Variants in DIP2C observed in about 807,000 individuals in gnomAD.
DIP2C encodes DIP2 acetate--CoA ligase C (putative), also known as disco-interacting protein 2 homolog C.
In DIP2C, 33 loss-of-function variants were observed where a neutral mutation model predicts 192.4. The ratio of observed to expected loss-of-function variants is 0.17; its 90% CI spans 0.13 to 0.23. The LOEUF is 0.23. Among genes scored for constraint, DIP2C ranks in the 10% least tolerant of loss-of-function variants. The pLI is 1.00. For synonymous variants in DIP2C, 979 were observed against 864.1 expected, an observed-to-expected ratio of 1.13 and a Z score of -2.33; for missense variants, 1,537 against 2,110.1, an observed-to-expected ratio of 0.73 and a Z score of 5.32.
chr10:424,623 C>T (rs1966452638), intron 4 of DIP2C, among the ~76,000 whole-genome samples: 1 of 152,148 alleles, frequency 6.6e-6, no homozygotes, highest in African/African-American at 2.4e-5. Context: ...CTCAGCCTCC[C>T]AAAGTGCTGA....
intron 3 of DIP2C, among the ~76,000 whole-genome samples, chr10:469,239 G>A (rs1404774752): frequency 6.6e-6 from 1 of 151,618 alleles, no homozygotes; most frequent in African/African-American, 2.4e-5. Context: ...TTCCTCTCAT[G>A]TTCCTCCATA....
chr10:517,037 A>T (rs903278694), intron 1 of DIP2C, among the ~76,000 whole-genome samples: 18 of 151,712 alleles, frequency 1.2e-4, no homozygotes, highest in African/African-American at 3.9e-4. Context: ...GGGGGTTTTT[A>T]AAAGTAGAGC....
intron 1 of DIP2C, among the ~76,000 whole-genome samples, chr10:605,018 T>C (rs1379670448): frequency 6.6e-6 from 1 of 152,138 alleles, no homozygotes; most frequent in African/African-American, 2.4e-5. Context: ...ATCAAAAGCT[T>C]CAGAAGACTA....
In DIP2C at chr10:659,218, C is replaced by G. The variant is rs542904614; in HGVS notation, c.85+30276G>C. Among the ~76,000 whole-genome samples the G allele has an allele frequency of 1.1e-3, 173 of 152,344 alleles. 3 individuals are homozygous for G. The highest frequency in any genetic ancestry group is 6.9e-4 in the Non-Finnish European group (47 of 68,032). ...AGGAGCATCCACGCATGCATACTTG[C>G]ACATGTGTGCGATGTCATGCCTAAA... On this transcript the variant is annotated intron_variant, in intron 1 of 36. Transcript: ENST00000280886.
intron 1 of DIP2C, among the ~76,000 whole-genome samples, chr10:530,653 T>TA (rs59344971): frequency 0.059 from 6,264 of 106,004 alleles, 301 homozygotes; most frequent in African/African-American, 0.12. Flanking sequence ...CCCTATCTCT[T>TA]AAAAAAAAAA....
chr10:606,076 G>A (rs190560993), intron 1 of DIP2C, among the ~76,000 whole-genome samples: 3 of 152,214 alleles, frequency 2.0e-5, no homozygotes, highest in African/African-American at 4.8e-5. Flanking sequence ...CGGAGCCTGC[G>A]CAGCGTGGAG....
At chr10:524,638 CA>C (rs1261047695) in intron 1 of DIP2C, among the ~76,000 whole-genome samples, 2 of 152,146 alleles carry the variant, frequency 1.3e-5, no homozygotes, top group African/African-American at 4.8e-5. Flanking sequence ...GCAAACAAAA[CA>C]TTCTCTAAGT....
At chr10:286,204 A>G in intron 34 of DIP2C, 69 bp downstream of exon 34, 2 of 1,462,600 alleles carry the variant, frequency 1.4e-6, no homozygotes, top group Non-Finnish European at 1.9e-6. Flanking sequence ...AGCAGTTCTG[A>G]TGGTGTCAAG....
intron 36 of DIP2C, among the ~76,000 whole-genome samples, chr10:277,881 T>C (rs1039864216): frequency 1.3e-5 from 2 of 152,198 alleles, no homozygotes; most frequent in African/African-American, 4.8e-5. Context: ...GAGTCTGTGT[T>C]CCAGTGCTGC....
intron 1 of DIP2C, among the ~76,000 whole-genome samples, chr10:559,775 C>A (rs904040486): frequency 6.6e-6 from 1 of 152,224 alleles, no homozygotes; most frequent in Non-Finnish European, 1.5e-5. Context: ...AGCCCAGCCC[C>A]GGAGCCCCAT....
intron 32 of DIP2C, among the ~76,000 whole-genome samples, chr10:288,751 T>C (rs374874521): frequency 1.3e-5 from 2 of 152,214 alleles, no homozygotes; most frequent in East Asian, 3.8e-4. Context: ...TTGAAAGAGC[T>C]GCGGGTCACC....
intron 1 of DIP2C, among the ~76,000 whole-genome samples, chr10:610,229 G>A (rs934733555): frequency 6.6e-6 from 1 of 152,170 alleles, no homozygotes; most frequent in Non-Finnish European, 1.5e-5. Flanking sequence ...AAGAAATGGT[G>A]CATGTTCTCA....
chr10:419,067 T>A lies in DIP2C; in HGVS notation c.737A>T (p.Asp246Val), dbSNP rs781335933. Residue 246 changes from aspartate (D) to valine (V), a missense_variant and splice_region_variant, in exon 6 of 37, where the codon GAT becomes GTT. Physicochemically the swap from Asp to Val is radical, Grantham distance 152 (BLOSUM62 -3). Coordinates refer to ENST00000280886, the MANE Select transcript of DIP2C (RefSeq NM_014974.3). Reference protein sequence around the residue: ...YGNAELMETGDGVPVSSRVSA... With the variant: ...YGNAELMETGVGVPVSSRVSA... ...CGCATCTCTCCTTTGGGACGTACCA[T>A]CCCCGGTCTCCATGAGCTCGGCGTT... 6.2e-7 allele frequency: 1 copy of A among 1,614,084 alleles called. No homozygotes were observed. The highest frequency in any genetic ancestry group is 8.5e-7 in the Non-Finnish European group (1 of 1,180,040).
rs765853840 is a variant in DIP2C, at chr10:366,429, A to G, written c.2132-18T>C. On this transcript the variant is annotated intron_variant, in intron 18 of 36. Coordinates refer to ENST00000280886, the MANE Select transcript of DIP2C (RefSeq NM_014974.3). Reference sequence around the variant, plus strand: ...CATGATGGCTAAAAGCAAACAGGAAAGCACATGCAGTGTGAGAGGGGGCAG... The same window carrying G: ...CATGATGGCTAAAAGCAAACAGGAAGGCACATGCAGTGTGAGAGGGGGCAG... The G allele has an allele frequency of 3.1e-6, 5 of 1,614,106 alleles. No individual in the cohort carries two copies. Among genetic ancestry groups the G allele is most frequent in the Middle Eastern group, 1.6e-4 (1 of 6,062 alleles).
chr10:629,158 G>A (rs1017253977), intron 1 of DIP2C, among the ~76,000 whole-genome samples: 3 of 152,158 alleles, frequency 2.0e-5, no homozygotes, highest in African/African-American at 4.8e-5. Context: ...GAGCACAGAC[G>A]GAAGGAACTG....
chr10:491,657 G>A (rs1844455990), intron 1 of DIP2C, among the ~76,000 whole-genome samples: 1 of 152,210 alleles, frequency 6.6e-6, no homozygotes, highest in African/African-American at 2.4e-5. Context: ...TAAAATATTG[G>A]AGATAGCACC....
chr10:551,243 C>T (rs1043990288), intron 1 of DIP2C, among the ~76,000 whole-genome samples: 9 of 152,202 alleles, frequency 5.9e-5, no homozygotes, highest in African/African-American at 1.7e-4. Flanking sequence ...ACATCGTCCA[C>T]GTACCATGCC....
chr10:518,069 G>A (rs953588790), intron 1 of DIP2C, among the ~76,000 whole-genome samples: 6 of 152,204 alleles, frequency 3.9e-5, no homozygotes, highest in African/African-American at 7.2e-5. Flanking sequence ...AGCACACCCC[G>A]ATATCACCAG....
At position 329,840 on chromosome 10, in the gene DIP2C, C is replaced by T. The variant is rs180798069; in HGVS notation, c.3585-239G>A. Among the ~76,000 whole-genome samples the T allele has an allele frequency of 3.3e-4, 50 of 152,336 alleles. 1 individual carries two copies. Among genetic ancestry groups the T allele is most frequent in the Admixed American group, 2.0e-4 (3 of 15,292 alleles). On this transcript the variant is annotated intron_variant, in intron 29 of 36. Coordinates refer to ENST00000280886, the MANE Select transcript of DIP2C (RefSeq NM_014974.3). ...GGGGCAGTTCCTACCACTTTGAACACACATTTAAGACTACTAAACGCTGTG... is the reference window on the plus strand; with the variant it reads ...GGGGCAGTTCCTACCACTTTGAACATACATTTAAGACTACTAAACGCTGTG...
Sources: gnomAD v4.1 joint callset for allele counts (sites outside exome capture counted in the v4.1 genomes callset) on GRCh38, gnomAD v4.1.1 for gene constraint, MANE v1.5 for transcripts, NCBI Gene and HGNC (gene_info 2026-07-23, HGNC 2026-07-21) for gene names.